CIMIP6: variants seen among roughly 807,000 people sequenced by gnomAD.
CIMIP6 encodes the protein ciliary microtubule inner protein 6.
chr2:54,333,239 TGTG>T, the CIMIP6 span, among the ~76,000 whole-genome samples: 3 of 152,126 alleles, frequency 2.0e-5, no homozygotes, highest in Non-Finnish European at 4.4e-5. Flanking sequence ...CATAAAAAAT[TGTG>T]GTGTTAATAA....
At chr2:54,359,047 A>G in the CIMIP6 span, 1 of 1,540,934 alleles carries the variant, frequency 6.5e-7, no homozygotes, top group Non-Finnish European at 8.8e-7. Context: ...ATGCCAGAAA[A>G]ACTCCGAATG....
the CIMIP6 span, chr2:54,360,189 G>A: frequency 6.5e-7 from 1 of 1,537,926 alleles, no homozygotes; most frequent in African/African-American, 1.4e-5. Flanking sequence ...TGTCGACTTT[G>A]TTTTCTTTTC....
the CIMIP6 span, among the ~76,000 whole-genome samples, chr2:54,378,781 C>T: frequency 1.3e-5 from 2 of 152,206 alleles, no homozygotes; most frequent in Non-Finnish European, 2.9e-5. Flanking sequence ...AGTCCCAGCT[C>T]GGTTCCCAAA....
At chr2:54,376,143 C>T in the CIMIP6 span, among the ~76,000 whole-genome samples, 1 of 152,078 alleles carries the variant, frequency 6.6e-6, no homozygotes, top group Non-Finnish European at 1.5e-5. Flanking sequence ...TCAAGCAATC[C>T]TCCTGCCTCA....
chr2:54,382,112 C>T, the CIMIP6 span: 1 of 1,201,608 alleles, frequency 8.3e-7, no homozygotes, highest in Non-Finnish European at 1.1e-6. Flanking sequence ...AAATTTCCTA[C>T]TATAGAAATG....
chr2:54,348,422 C>G, the CIMIP6 span, among the ~76,000 whole-genome samples: 1 of 152,062 alleles, frequency 6.6e-6, no homozygotes, highest in South Asian at 2.1e-4. Flanking sequence ...ATTTCTTTTT[C>G]TTTCTCTGTT....
At chr2:54,332,739 T>G in the CIMIP6 span, among the ~76,000 whole-genome samples, 6 of 152,228 alleles carry the variant, frequency 3.9e-5, no homozygotes, top group Non-Finnish European at 8.8e-5. Context: ...AAGGACTTGA[T>G]CACTACAAGT....
chr2:54,383,369 T>C, the CIMIP6 span: 1 of 152,234 alleles, frequency 6.6e-6, no homozygotes, highest in African/African-American at 2.4e-5. Flanking sequence ...AACTAACAGA[T>C]TAATAAGCAG....
At chr2:54,379,750 T>TG in the CIMIP6 span, among the ~76,000 whole-genome samples, 1 of 151,036 alleles carries the variant, frequency 6.6e-6, no homozygotes, top group Non-Finnish European at 1.5e-5. Context: ...CCAAGGTGGG[T>TG]GGGTCACCTG....
the CIMIP6 span, among the ~76,000 whole-genome samples, chr2:54,366,815 G>A: frequency 4.6e-5 from 7 of 152,022 alleles, no homozygotes; most frequent in African/African-American, 1.2e-4. Context: ...TATGGACATC[G>A]TCTGACATAC....
the CIMIP6 span, chr2:54,343,836 CA>C: frequency 3.1e-6 from 5 of 1,609,786 alleles, no homozygotes; most frequent in Non-Finnish European, 4.2e-6. Context: ...TTTTGCCAGT[CA>C]AACACAGCAA....
chr2:54,343,832 C>T, the CIMIP6 span: 3 of 1,610,368 alleles, frequency 1.9e-6, no homozygotes, highest in Admixed American at 1.7e-5. Flanking sequence ...CTGGTTTTGC[C>T]AGTCAAACAC....
chr2:54,350,909 G>A, the CIMIP6 span, among the ~76,000 whole-genome samples: 1 of 152,154 alleles, frequency 6.6e-6, no homozygotes, highest in Non-Finnish European at 1.5e-5. Flanking sequence ...GGATTTTATT[G>A]TTATGTCAAG....
the CIMIP6 span, among the ~76,000 whole-genome samples, chr2:54,373,010 T>G: frequency 6.6e-6 from 1 of 152,070 alleles, no homozygotes; most frequent in African/African-American, 2.4e-5. Flanking sequence ...CTTCCATAGT[T>G]CAGGACCTTA....
chr2:54,344,698 G>C, the CIMIP6 span, among the ~76,000 whole-genome samples: 2 of 120,074 alleles, frequency 1.7e-5, no homozygotes, highest in Non-Finnish European at 3.6e-5. Flanking sequence ...CAGTTATTTC[G>C]GTAAATCAAG....
At chr2:54,362,520 G>T in the CIMIP6 span, among the ~76,000 whole-genome samples, 1 of 151,886 alleles carries the variant, frequency 6.6e-6, no homozygotes, top group Non-Finnish European at 1.5e-5. Flanking sequence ...TGGATCTATC[G>T]TCTATGTCTC....
the CIMIP6 span, chr2:54,383,833 C>T: frequency 6.6e-6 from 1 of 152,216 alleles, no homozygotes; most frequent in Non-Finnish European, 1.5e-5. Flanking sequence ...AGGGCTCTGC[C>T]TGCATGAATG....
the CIMIP6 span, among the ~76,000 whole-genome samples, chr2:54,349,428 T>C: frequency 6.6e-6 from 1 of 152,212 alleles, no homozygotes; most frequent in Non-Finnish European, 1.5e-5. Flanking sequence ...AATTGTATGT[T>C]TGAATAAATC....
At chr2:54,354,855 T>C in the CIMIP6 span, among the ~76,000 whole-genome samples, 1 of 152,016 alleles carries the variant, frequency 6.6e-6, no homozygotes, top group Non-Finnish European at 1.5e-5. Flanking sequence ...TGTTAAACAA[T>C]AGAATTTTAG....
Sources: gnomAD v4.1 joint callset for allele counts (sites outside exome capture counted in the v4.1 genomes callset) on GRCh38, gnomAD v4.1.1 for gene constraint, MANE v1.5 for transcripts, NCBI Gene and HGNC (gene_info 2026-07-23, HGNC 2026-07-21) for gene names.